NELL1: variants seen among roughly 807,000 people sequenced by gnomAD.
NELL1 encodes the protein neural EGFL like 1, also known as protein kinase C-binding protein NELL1.
A neutral mutation model predicts 107.4 loss-of-function variants in NELL1; 76 were observed. The observed-to-expected ratio is 0.71, with a 90% CI of 0.59 to 0.86. The LOEUF is 0.86. Ranked by LOEUF, NELL1 falls within the 40% of genes least tolerant of loss-of-function variation. The pLI, the probability that NELL1 is intolerant of heterozygous loss-of-function variation, is 0.00. For missense variants in NELL1, 1,024 were observed against 1,005.5 expected, an observed-to-expected ratio of 1.02 and a Z score of -0.25; for synonymous variants, 353 against 341.2, an observed-to-expected ratio of 1.03 and a Z score of -0.38.
At chr11:21,153,915 A>G (rs1026372605) in intron 13 of NELL1, among the ~76,000 whole-genome samples, 1 of 152,190 alleles carries the variant, frequency 6.6e-6, no homozygotes, top group Non-Finnish European at 1.5e-5. Flanking sequence ...TCCTATTCCC[A>G]ACCCCTGGAG....
chr11:21,203,843 G>A (rs1387228951), intron 13 of NELL1, among the ~76,000 whole-genome samples: 1 of 152,148 alleles, frequency 6.6e-6, no homozygotes, highest in African/African-American at 2.4e-5. Context: ...TGTCTGTAAA[G>A]TATTTTATTT....
intron 9 of NELL1, among the ~76,000 whole-genome samples, chr11:20,930,679 A>G (rs750053083): frequency 1.3e-5 from 2 of 152,192 alleles, no homozygotes; most frequent in Non-Finnish European, 2.9e-5. Context: ...CCCTCTCACT[A>G]GACGTGTGTG....
At chr11:21,388,727 T>C (rs960776153) in intron 15 of NELL1, among the ~76,000 whole-genome samples, 1 of 151,846 alleles carries the variant, frequency 6.6e-6, no homozygotes, top group African/African-American at 2.4e-5. Flanking sequence ...TCAACAGGGA[T>C]GAATAATTAT....
intron 13 of NELL1, among the ~76,000 whole-genome samples, chr11:21,178,385 G>T (rs945225796): frequency 6.6e-6 from 1 of 151,968 alleles, no homozygotes; most frequent in African/African-American, 2.4e-5. Context: ...TGCAGGTAGT[G>T]TGCTGGATTA....
chr11:20,932,461 A>T (rs1224812892), intron 9 of NELL1, among the ~76,000 whole-genome samples: 1 of 152,216 alleles, frequency 6.6e-6, no homozygotes, highest in Non-Finnish European at 1.5e-5. Flanking sequence ...TGAGTTGCGG[A>T]TGGATGATGA....
intron 14 of NELL1, among the ~76,000 whole-genome samples, chr11:21,309,300 GTATATATATATAA>G (rs977857743): frequency 1.9e-4 from 11 of 58,136 alleles, no homozygotes; most frequent in Middle Eastern, 0.014. Context: ...ATATATATAT[GTATATATATATAA>G]TATATATATA....
intron 3 of NELL1, among the ~76,000 whole-genome samples, chr11:20,815,096 T>C (rs1425587831): frequency 6.6e-6 from 1 of 152,062 alleles, no homozygotes; most frequent in East Asian, 1.9e-4. Context: ...ACAAAGTCTC[T>C]CTCTGTCGCC....
chr11:21,306,768 A>G (rs1020655570), intron 14 of NELL1, among the ~76,000 whole-genome samples: 1 of 152,110 alleles, frequency 6.6e-6, no homozygotes, highest in African/African-American at 2.4e-5. Flanking sequence ...CAAGGTTATT[A>G]CACTGTACGT....
Position 21,570,871 on chromosome 11 carries a change from C to T in NELL1, c.2088C>T (p.Asp696=), listed in dbSNP as rs1857085435. ...CDTRVTSQCL[D]QNGHKLYRSG... ...CCAGAGTCACAAGTCAATGTTTAGA[C>T]CAAAATGGTCACAAGCTGTATCGAA... Residue 696 remains aspartate (D), a synonymous_variant, in exon 18 of 20, where the codon GAC becomes GAT. Coordinates refer to ENST00000357134, the MANE Select transcript of NELL1 (RefSeq NM_006157.5). The T allele has an allele frequency of 6.2e-7, 1 of 1,611,860 alleles. No homozygotes were observed. The highest frequency in any genetic ancestry group is 1.3e-5 in the African/African-American group (1 of 74,710).
At chr11:21,405,165 T>C (rs537588137) in intron 15 of NELL1, among the ~76,000 whole-genome samples, 1 of 150,410 alleles carries the variant, frequency 6.6e-6, no homozygotes, top group South Asian at 2.1e-4. Context: ...ACCAAGCTCT[T>C]TTTCAATCAC....
At chr11:21,336,674 T>TATATATATATACACACAC (rs55720144) in intron 14 of NELL1, among the ~76,000 whole-genome samples, 1 of 130,526 alleles carries the variant, frequency 7.7e-6, no homozygotes. Context: ...TATATATATA[T>TATATATATATACACACAC]ACACACACAC....
intron 15 of NELL1, among the ~76,000 whole-genome samples, chr11:21,385,986 C>G (rs2133775533): frequency 6.6e-6 from 1 of 151,868 alleles, no homozygotes; most frequent in African/African-American, 2.4e-5. Flanking sequence ...GCTTTTCTTC[C>G]AAGATACTTT....
At chr11:21,543,024 A>G (rs897605656) in intron 16 of NELL1, among the ~76,000 whole-genome samples, 4 of 151,982 alleles carry the variant, frequency 2.6e-5, no homozygotes, top group Admixed American at 2.0e-4. Context: ...CAGGGAAGAG[A>G]CATGTCAGGG....
At chr11:20,916,271 G>A (rs1284003861) in intron 5 of NELL1, among the ~76,000 whole-genome samples, 1 of 151,874 alleles carries the variant, frequency 6.6e-6, no homozygotes, top group Admixed American at 6.6e-5. Context: ...AGGTACCACA[G>A]ATTAAAAGTG....
intron 14 of NELL1, among the ~76,000 whole-genome samples, chr11:21,360,207 CA>C (rs1384938132): frequency 6.6e-6 from 1 of 151,670 alleles, no homozygotes; most frequent in African/African-American, 2.4e-5. Flanking sequence ...TCATTCAACT[CA>C]AAAAAAATTT....
intron 15 of NELL1, among the ~76,000 whole-genome samples, chr11:21,453,844 A>G (rs1163312035): frequency 1.3e-5 from 2 of 150,242 alleles, no homozygotes; most frequent in Non-Finnish European, 3.0e-5. Context: ...CAGGGTTTAC[A>G]ATACACATCT....
chr11:20,889,828 G>A (rs556758697), intron 5 of NELL1, among the ~76,000 whole-genome samples: 3 of 152,260 alleles, frequency 2.0e-5, no homozygotes, highest in South Asian at 4.1e-4. Flanking sequence ...AACTCCAGCC[G>A]GAGACTCAGG....
At chr11:21,017,968 G>A (rs1244891684) in intron 12 of NELL1, among the ~76,000 whole-genome samples, 1 of 152,002 alleles carries the variant, frequency 6.6e-6, no homozygotes, top group Non-Finnish European at 1.5e-5. Context: ...ACTTGCTCTA[G>A]TATTTCACAC....
At chr11:20,823,400 C>T (rs890666257) in intron 3 of NELL1, among the ~76,000 whole-genome samples, 1 of 151,144 alleles carries the variant, frequency 6.6e-6, no homozygotes, top group African/African-American at 2.4e-5. Flanking sequence ...TATGGGAGTA[C>T]AATTCAAGGT....
Sources: allele counts gnomAD v4.1 joint callset (sites outside exome capture counted in the v4.1 genomes callset), GRCh38; gene constraint gnomAD v4.1.1; transcripts MANE v1.5; gene names NCBI Gene and HGNC (gene_info 2026-07-23, HGNC 2026-07-21).